The following CACNA2D3 variants were observed in gnomAD, a reference collection of about 807,000 sequenced individuals.
The protein encoded by CACNA2D3 is calcium voltage-gated channel auxiliary subunit alpha2delta 3.
A neutral mutation model predicts 160.6 loss-of-function variants in CACNA2D3; 60 were observed. The observed-to-expected ratio is 0.37, with a 90% CI of 0.30 to 0.46. The LOEUF (loss-of-function observed/expected upper bound fraction) is 0.46, where lower values mean the gene tolerates loss of function less well. CACNA2D3 is among the 20% of genes least tolerant of loss of function. The pLI, the probability that CACNA2D3 is intolerant of heterozygous loss-of-function variation, is 1.00. For missense variants in CACNA2D3, 1,205 were observed against 1,365.0 expected (o/e 0.88, Z 1.85); for synonymous variants, 558 against 492.9 (o/e 1.13, Z -1.75).
intron 9 of CACNA2D3, among the ~76,000 whole-genome samples, chr3:54,604,780 G>A (rs1480641064): frequency 6.6e-6 from 1 of 152,136 alleles, no homozygotes; most frequent in African/African-American, 2.4e-5. Flanking sequence ...CCAGCATCCA[G>A]CCTATTCTCC....
intron 11 of CACNA2D3, among the ~76,000 whole-genome samples, chr3:54,733,917 G>A (rs570406453): frequency 6.6e-6 from 1 of 151,884 alleles, no homozygotes; most frequent in African/African-American, 2.4e-5. Flanking sequence ...TATGCCATCT[G>A]CACAAAGTAC....
chr3:54,725,793 C>G (rs1701264739), intron 11 of CACNA2D3, among the ~76,000 whole-genome samples: 1 of 152,258 alleles, frequency 6.6e-6, no homozygotes, highest in Non-Finnish European at 1.5e-5. Context: ...ATGACAGACC[C>G]ACGTCCAATA....
intron 2 of CACNA2D3, among the ~76,000 whole-genome samples, chr3:54,275,405 CAA>C (rs1702713327): frequency 6.6e-6 from 1 of 152,028 alleles, no homozygotes; most frequent in African/African-American, 2.4e-5. Context: ...AGTTCAAAAA[CAA>C]TATGAAAGGC....
In CACNA2D3 at chr3:55,004,842, A is replaced by G. The variant is rs766664952; in HGVS notation, c.2766+4A>G. On this transcript the variant is annotated splice_donor_region_variant and intron_variant, in intron 32 of 37. Transcript: ENST00000474759. ...TGGCGCCCATGGCCTCCTGGATGTAAGTACTATGCTGTCACTCAGAAAACA... is the reference window on the plus strand; with the variant it reads ...TGGCGCCCATGGCCTCCTGGATGTAGGTACTATGCTGTCACTCAGAAAACA... 3.7e-6 allele frequency: 6 copies of G among 1,607,140 alleles called. No homozygotes were observed. In the African/African-American group the frequency reaches 8.0e-5, roughly 22 times the overall value.
At chr3:54,368,729 T>A (rs1355204589) in intron 3 of CACNA2D3, among the ~76,000 whole-genome samples, 1 of 93,986 alleles carries the variant, frequency 1.1e-5, no homozygotes, top group East Asian at 3.7e-4. Flanking sequence ...TGAGGCGGAG[T>A]CTCACTCTGT....
At chr3:54,134,469 C>G (rs1035272233) in intron 2 of CACNA2D3, among the ~76,000 whole-genome samples, 1 of 152,150 alleles carries the variant, frequency 6.6e-6, no homozygotes, top group African/African-American at 2.4e-5. Context: ...GGAATAGCCG[C>G]CCAGCCTTTT....
intron 11 of CACNA2D3, among the ~76,000 whole-genome samples, chr3:54,739,596 T>C (rs764427170): frequency 6.6e-6 from 1 of 152,048 alleles, no homozygotes; most frequent in African/African-American, 2.4e-5. Flanking sequence ...AGAAAAGGAA[T>C]AGGATGATTT....
chr3:54,842,135 A>G (rs1413867784), intron 16 of CACNA2D3, among the ~76,000 whole-genome samples: 1 of 152,242 alleles, frequency 6.6e-6, no homozygotes, highest in African/African-American at 2.4e-5. Flanking sequence ...GTATTTTGAG[A>G]TGTGGTCAGA....
chr3:55,031,684 C>T (rs358057), intron 35 of CACNA2D3, among the ~76,000 whole-genome samples: 10,178 of 152,072 alleles, frequency 0.067, 1,138 homozygotes, highest in African/African-American at 0.23. Context: ...CATTAATTTC[C>T]GTATGTTGTT....
At chr3:54,843,205 A>C (rs1468791466) in intron 16 of CACNA2D3, among the ~76,000 whole-genome samples, 1 of 152,082 alleles carries the variant, frequency 6.6e-6, no homozygotes, top group Non-Finnish European at 1.5e-5. Flanking sequence ...CAGGTGATCC[A>C]CCTGCCTAGC....
intron 2 of CACNA2D3, among the ~76,000 whole-genome samples, chr3:54,159,105 C>T (rs1294999797): frequency 6.6e-6 from 1 of 152,116 alleles, no homozygotes; most frequent in Non-Finnish European, 1.5e-5. Context: ...TTAAATTATT[C>T]TTGTTTGCCT....
chr3:54,821,432 G>T (rs1335121237), intron 14 of CACNA2D3, among the ~76,000 whole-genome samples: 1 of 152,148 alleles, frequency 6.6e-6, no homozygotes, highest in African/African-American at 2.4e-5. Flanking sequence ...TTTCTGTGCT[G>T]CTTAACTTGT....
chr3:54,416,478 G>C (rs1699756284), intron 4 of CACNA2D3, among the ~76,000 whole-genome samples: 1 of 152,080 alleles, frequency 6.6e-6, no homozygotes, highest in Non-Finnish European at 1.5e-5. Flanking sequence ...ATCCATAATG[G>C]TGACACAGTT....
At chr3:55,067,167 A>G (rs1197889471) in intron 35 of CACNA2D3, among the ~76,000 whole-genome samples, 1 of 152,006 alleles carries the variant, frequency 6.6e-6, no homozygotes, top group Non-Finnish European at 1.5e-5. Context: ...GATTTGGGAA[A>G]GAAAGAAGGA....
chr3:54,601,829 C>T (rs555240374), intron 9 of CACNA2D3, among the ~76,000 whole-genome samples: 1 of 152,088 alleles, frequency 6.6e-6, no homozygotes, highest in East Asian at 1.9e-4. Context: ...TTTCATGGTA[C>T]GATATGCCTT....
chr3:54,336,402 C>T (rs547910448), intron 3 of CACNA2D3, among the ~76,000 whole-genome samples: 1 of 152,238 alleles, frequency 6.6e-6, no homozygotes, highest in Non-Finnish European at 1.5e-5. Flanking sequence ...GAGAGGAAAA[C>T]TAGATTGGCA....
rs536703062 is a variant in CACNA2D3, at chr3:54,464,793, C to G, written c.382-38699C>G. Reference sequence around the variant, plus strand: ...TGCGCTGCACGCACTGTCCTGCGCCCACTGTCTGGCACTCCCTAGTGAGAT... The same window carrying G: ...TGCGCTGCACGCACTGTCCTGCGCCGACTGTCTGGCACTCCCTAGTGAGAT... On this transcript the variant is annotated intron_variant, in intron 4 of 37. Coordinates refer to ENST00000474759, the MANE Select transcript of CACNA2D3 (RefSeq NM_018398.3). 4.1e-4 allele frequency among the ~76,000 whole-genome samples: 62 copies of G among 152,326 alleles called. 1 individual carries two copies. Among genetic ancestry groups the G allele is most frequent in the African/African-American group, 1.5e-3 (62 of 41,588 alleles).
At chr3:54,566,308 T>C (rs1046133641) in intron 6 of CACNA2D3, among the ~76,000 whole-genome samples, 1 of 152,220 alleles carries the variant, frequency 6.6e-6, no homozygotes, top group Non-Finnish European at 1.5e-5. Flanking sequence ...GGCTATTTCC[T>C]TCTGATGCTT....
At chr3:54,132,725 G>C (rs779165048) in intron 2 of CACNA2D3, among the ~76,000 whole-genome samples, 1 of 152,174 alleles carries the variant, frequency 6.6e-6, no homozygotes, top group Non-Finnish European at 1.5e-5. Context: ...ACTTTTAAGA[G>C]AGGTGGCTGG....
Sources: allele counts gnomAD v4.1 joint callset (sites outside exome capture counted in the v4.1 genomes callset), GRCh38; gene constraint gnomAD v4.1.1; transcripts MANE v1.5; gene names NCBI Gene and HGNC (gene_info 2026-07-23, HGNC 2026-07-21).